The following IL17F variants were observed in gnomAD, a reference collection of about 807,000 sequenced individuals.
IL17F encodes the protein interleukin-17F.
IL17F carries 6 observed loss-of-function variants against 8.3 expected under a neutral mutation model. That is an observed-to-expected ratio of 0.73 (90% CI 0.40 to 1.43). IL17F has a LOEUF of 1.43. IL17F is among the 40% of genes most tolerant of loss of function. IL17F has a pLI of 0.02. For missense variants in IL17F, 204 were observed against 209.6 expected (o/e 0.97, Z 0.17); for synonymous variants, 98 against 81.6 (o/e 1.20, Z -1.08).
At chr6:52,244,621 T>A (rs1398133286), upstream of IL17F, 1 of 593,466 alleles carries the variant, frequency 1.7e-6, no homozygotes, top group Non-Finnish European at 3.0e-6. Context: ...TTTTTTTTTT[T>A]ATTCCATTTC....
chr6:52,245,452 CTAATT>C (rs1175066043), upstream of IL17F, among the ~76,000 whole-genome samples: 5 of 152,200 alleles, frequency 3.3e-5, no homozygotes, highest in Admixed American at 1.3e-4. Context: ...TTAGGGAACA[CTAATT>C]TATATTTACC....
At chr6:52,238,496 A>G (rs559736239) in intron 2 of IL17F, among the ~76,000 whole-genome samples, 1 of 152,374 alleles carries the variant, frequency 6.6e-6, no homozygotes, top group East Asian at 1.9e-4. Context: ...CATGAAGCAG[A>G]AAAAGGCACA....
upstream of IL17F, chr6:52,244,680 G>A: frequency 1.8e-6 from 1 of 556,042 alleles, no homozygotes; most frequent in South Asian, 2.3e-5. Flanking sequence ...GACAGGAAAA[G>A]GACCAAATTT....
intron 1 of IL17F, among the ~76,000 whole-genome samples, chr6:52,241,607 G>A (rs75612699): frequency 0.011 from 1,613 of 152,202 alleles, 32 homozygotes; most frequent in African/African-American, 0.037. Context: ...CTTCTAACAA[G>A]TCATTATTAC....
At chr6:52,239,135 C>T in intron 1 of IL17F, 185 bp from the exon 2 acceptor site, 1 of 623,794 alleles carries the variant, frequency 1.6e-6, no homozygotes, top group Non-Finnish European at 2.9e-6. Context: ...AAACTGAGAA[C>T]TAAACTCAGT....
chr6:52,240,451 A>AG (rs1249002605), intron 1 of IL17F, among the ~76,000 whole-genome samples: 17 of 151,044 alleles, frequency 1.1e-4, no homozygotes, highest in Non-Finnish European at 1.9e-4. Context: ...AAAAAAAAAA[A>AG]AAAAAAAGAG....
chr6:52,238,163 A>T (rs1764003337), intron 2 of IL17F, among the ~76,000 whole-genome samples: 1 of 152,206 alleles, frequency 6.6e-6, no homozygotes. Context: ...CAACCCCAGA[A>T]GCACTTCAAT....
At chr6:52,239,934 A>AT (rs200374645) in intron 1 of IL17F, among the ~76,000 whole-genome samples, 25 of 152,030 alleles carry the variant, frequency 1.6e-4, no homozygotes, top group Admixed American at 6.6e-4. Flanking sequence ...GCTCTGGAGC[A>AT]TTTTTTTTAT....
At chr6:52,244,176 T>C (rs954953750) in intron 1 of IL17F, among the ~76,000 whole-genome samples, 6 of 152,176 alleles carry the variant, frequency 3.9e-5, no homozygotes, top group Admixed American at 1.3e-4. Context: ...ATTACAGGCA[T>C]GAGCCACCAC....
intron 1 of IL17F, among the ~76,000 whole-genome samples, chr6:52,242,906 A>G (rs1223190437): frequency 6.6e-6 from 1 of 152,254 alleles, no homozygotes; most frequent in East Asian, 1.9e-4. Context: ...AGTACAGAGT[A>G]TAGACTCATT....
chr6:52,239,067 G>T (rs758571379), intron 1 of IL17F, 117 bp from the exon 2 acceptor site: 1 of 886,278 alleles, frequency 1.1e-6, no homozygotes, highest in Non-Finnish European at 1.8e-6. Flanking sequence ...GCTTCTCTTT[G>T]CACCTCAGTT....
intron 2 of IL17F, among the ~76,000 whole-genome samples, chr6:52,238,060 T>C (rs902999923): frequency 6.6e-6 from 1 of 152,234 alleles, no homozygotes. Context: ...GTCCAAGTCA[T>C]TCTTTGATCT....
At chr6:52,245,575 G>A (rs1047717153), upstream of IL17F, among the ~76,000 whole-genome samples, 4 of 152,168 alleles carry the variant, frequency 2.6e-5, no homozygotes, top group African/African-American at 9.7e-5. Flanking sequence ...CTTTCCCATG[G>A]AGCTGGGGTG....
At chr6:52,244,095 A>G (rs906913688) in intron 1 of IL17F, among the ~76,000 whole-genome samples, 2 of 151,896 alleles carry the variant, frequency 1.3e-5, no homozygotes, top group Admixed American at 1.3e-4. Context: ...GGGTTTCGCT[A>G]TGTTGGTCAG....
At chr6:52,244,665 G>A (rs1253343614), upstream of IL17F, 2 of 561,020 alleles carry the variant, frequency 3.6e-6, no homozygotes, top group East Asian at 3.0e-5. Flanking sequence ...CCTAAAGAAA[G>A]GGATGACAGG....
At position 52,237,173 on chromosome 6, in the gene IL17F, A is replaced by G. The variant is rs972404643; in HGVS notation, c.255-5T>C. On this transcript the variant is annotated splice_region_variant and splice_polypyrimidine_tract_variant and intron_variant, in intron 2 of 2. Coordinates refer to ENST00000336123, the MANE Select transcript of IL17F (RefSeq NM_052872.4). ...CGGTTGGGGTCCCAAGTGACACTGC[A>G]GGAGGAGCAAGCCAAAGCACAATGG... 65 of 1,609,452 alleles carry G rather than the reference A, an allele frequency of 4.0e-5. No individual in the cohort carries two copies. The highest frequency in any genetic ancestry group is 5.4e-5 in the Non-Finnish European group (64 of 1,176,166).
rs368296339 is a variant in IL17F, at chr6:52,241,627, T to C, written c.34-2677A>G. ...AACAAGTCATTATTACATTTGCTTA[T>C]ATATTCTTAGAGTATATTAGAAAAT... On this transcript the variant is annotated intron_variant, in intron 1 of 2. Coordinates refer to ENST00000336123, the MANE Select transcript of IL17F (RefSeq NM_052872.4). Among the ~76,000 whole-genome samples, 66 of 152,384 alleles carry C rather than the reference T, an allele frequency of 4.3e-4. 1 individual carries two copies. Among genetic ancestry groups the C allele is most frequent in the African/African-American group, 1.4e-3 (60 of 41,600 alleles).
chr6:52,245,530 G>A (rs1764145457), upstream of IL17F, among the ~76,000 whole-genome samples: 1 of 152,192 alleles, frequency 6.6e-6, no homozygotes, highest in Non-Finnish European at 1.5e-5. Flanking sequence ...GGTACACAGG[G>A]CAAGGTTTGA....
In IL17F at chr6:52,238,730, G is replaced by A. The variant is rs747960305; in HGVS notation, c.254C>T (p.Thr85Ile). ...GAAAATCAGTCTCATTTGCACTTAC[G>A]TGTAATTCCAGGGGGAGGTGGAGCG... ...ESRSTSPWNY[T>I]VTWDPNRYPS... Residue 85 changes from threonine (T) to isoleucine (I), a missense_variant and splice_region_variant, in exon 2 of 3, where the codon ACT (threonine) becomes ATT (isoleucine). Coordinates refer to ENST00000336123, the MANE Select transcript of IL17F (RefSeq NM_052872.4). The A allele has an allele frequency of 1.3e-5, 21 of 1,612,096 alleles. No individual in the cohort carries two copies. The highest frequency in any genetic ancestry group is 2.2e-5 in the East Asian group (1 of 44,872).
Sources: allele counts gnomAD v4.1 joint callset (sites outside exome capture counted in the v4.1 genomes callset), GRCh38; gene constraint gnomAD v4.1.1; transcripts MANE v1.5; gene names NCBI Gene and HGNC (gene_info 2026-07-23, HGNC 2026-07-21).